Variants in UGGT1 observed in about 807,000 individuals in gnomAD.
UGGT1 encodes UDP-glucose:glycoprotein glucosyltransferase 1.
In UGGT1, 107 loss-of-function variants were observed where a neutral mutation model predicts 203.9. The observed-to-expected ratio is 0.52, with a 90% CI of 0.45 to 0.62. The LOEUF is 0.62. UGGT1 is among the 20% of genes least tolerant of loss of function. The pLI, the probability that UGGT1 is intolerant of heterozygous loss-of-function variation, is 0.00. For missense variants in UGGT1, 1,673 were observed against 1,867.2 expected, an observed-to-expected ratio of 0.90 and a Z score of 1.92; for synonymous variants, 628 against 653.5, an observed-to-expected ratio of 0.96 and a Z score of 0.59.
chr2:128,134,821 C>T, intron 14 of UGGT1, 55 bp from the exon 15 acceptor site: 2 of 1,523,442 alleles, frequency 1.3e-6, no homozygotes, highest in Admixed American at 1.7e-5. Context: ...TTTTCTCGGC[C>T]CACAGATACT....
intron 2 of UGGT1, among the ~76,000 whole-genome samples, chr2:128,100,033 C>CCCAA (rs1558748210): frequency 1.4e-5 from 1 of 71,788 alleles, no homozygotes; most frequent in Non-Finnish European, 2.8e-5. Flanking sequence ...CCCCCCCACC[C>CCCAA]TACTTATTTT....
At chr2:128,157,106 T>C in intron 21 of UGGT1, 146 bp from the exon 22 acceptor site, 1 of 644,206 alleles carries the variant, frequency 1.6e-6, no homozygotes, top group Non-Finnish European at 2.7e-6. Flanking sequence ...GGTTTACGAC[T>C]TTTTCTTCTA....
At chr2:128,113,772 AGATCGAGACCATCCTGG>A (rs1687976094) in intron 6 of UGGT1, among the ~76,000 whole-genome samples, 1 of 3,444 alleles carries the variant, frequency 2.9e-4, no homozygotes, top group African/African-American at 3.5e-4. Flanking sequence ...CGAGGTCAGG[AGATCGAGACCATCCTGG>A]CTAACACAGT....
chr2:128,099,653 C>T (rs1687275881), intron 2 of UGGT1, among the ~76,000 whole-genome samples: 1 of 152,196 alleles, frequency 6.6e-6, no homozygotes, highest in Admixed American at 6.5e-5. Flanking sequence ...AATAGACTTC[C>T]TTCCATCGCC....
intron 18 of UGGT1, among the ~76,000 whole-genome samples, chr2:128,150,995 C>T (rs923849363): frequency 2.0e-5 from 3 of 151,948 alleles, no homozygotes; most frequent in South Asian, 2.1e-4. Flanking sequence ...AGATTACAGG[C>T]GCCCGCCACC....
rs1295640961 is a variant in UGGT1, at chr2:128,194,007, C to G, written c.*4265C>G. 2.0e-5 allele frequency: 3 copies of G among 152,174 alleles called. No individual in the cohort carries two copies. The highest frequency in any genetic ancestry group is 6.5e-5 in the Admixed American group (1 of 15,272). The allele number at this position is 152,174 out of a possible 1,614,324, so 9.4% of individuals were successfully genotyped here. ...TGGGAATGGAAATGTATTGGTAAAG[C>G]TACCTGATGGAAGCTTTCTCTTGGT... On this transcript the variant is annotated 3_prime_UTR_variant, in exon 41 of 41. Coordinates refer to ENST00000259253, the MANE Select transcript of UGGT1 (RefSeq NM_020120.4).
chr2:128,097,692 A>G, intron 2 of UGGT1, 128 bp downstream of exon 2: 5 of 1,206,030 alleles, frequency 4.1e-6, no homozygotes, highest in Non-Finnish European at 5.7e-6. Context: ...CTTTCAGTGT[A>G]TACTGTAGGA....
chr2:128,175,666 C>T (rs971745329), intron 31 of UGGT1, among the ~76,000 whole-genome samples: 2 of 152,194 alleles, frequency 1.3e-5, no homozygotes, highest in African/African-American at 2.4e-5. Context: ...TCCCACATAA[C>T]ATTTTCCTCA....
At chr2:128,121,561 A>G (rs1172298128) in intron 10 of UGGT1, among the ~76,000 whole-genome samples, 1 of 152,090 alleles carries the variant, frequency 6.6e-6, no homozygotes, top group Non-Finnish European at 1.5e-5. Flanking sequence ...GTGCGTCACC[A>G]TGCCCAGCTA....
chr2:128,168,267 T>C (rs1460911387), intron 26 of UGGT1, among the ~76,000 whole-genome samples: 1 of 152,174 alleles, frequency 6.6e-6, no homozygotes, highest in Non-Finnish European at 1.5e-5. Flanking sequence ...AGAACAGTTG[T>C]ATTAGAGTAA....
At chr2:128,158,606 G>A (rs1296129827) in intron 22 of UGGT1, among the ~76,000 whole-genome samples, 1 of 152,150 alleles carries the variant, frequency 6.6e-6, no homozygotes, top group Non-Finnish European at 1.5e-5. Flanking sequence ...ATTTGTTTAA[G>A]CTATTTGAAG....
At chr2:128,162,749 C>T (rs556102051) in intron 25 of UGGT1, among the ~76,000 whole-genome samples, 1 of 152,248 alleles carries the variant, frequency 6.6e-6, no homozygotes, top group East Asian at 1.9e-4. Flanking sequence ...CTTGGTGTGG[C>T]ATGCTGTTGG....
At chr2:128,183,324 T>TC (rs57380100) in intron 37 of UGGT1, among the ~76,000 whole-genome samples, 243 of 151,542 alleles carry the variant, frequency 1.6e-3, no homozygotes, top group African/African-American at 5.0e-3. Flanking sequence ...TCTGGGGTTT[T>TC]CCCCCCCCTG....
At chr2:128,160,735 C>T in intron 24 of UGGT1, 144 bp downstream of exon 24, 1 of 1,219,202 alleles carries the variant, frequency 8.2e-7, no homozygotes. Flanking sequence ...GATGTTTCTG[C>T]CTCCTATTTC....
chr2:128,112,611 C>T (rs1452481372), intron 5 of UGGT1, among the ~76,000 whole-genome samples: 1 of 145,736 alleles, frequency 6.9e-6, no homozygotes, highest in Non-Finnish European at 1.5e-5. Flanking sequence ...GAGACAGGGT[C>T]CCGTTCTGTC....
chr2:128,182,788 C>G (rs1691767441), intron 37 of UGGT1, among the ~76,000 whole-genome samples: 1 of 151,706 alleles, frequency 6.6e-6, no homozygotes, highest in Non-Finnish European at 1.5e-5. Context: ...CAGATAACCT[C>G]CCAACTTATT....
rs529431944 is a variant in UGGT1 at position 128,173,675 on chromosome 2, T to C, written c.3295-106T>C. ...TTGAATTTCTTAAAATATGATCATATATTATGTAAGTCCTTTTTGTCTGCT... is the reference window on the plus strand; with the variant it reads ...TTGAATTTCTTAAAATATGATCATACATTATGTAAGTCCTTTTTGTCTGCT... On this transcript the variant is annotated intron_variant, in intron 29 of 40. Coordinates refer to ENST00000259253, the MANE Select transcript of UGGT1 (RefSeq NM_020120.4). 36 of 1,262,082 alleles carry C rather than the reference T, an allele frequency of 2.9e-5. No homozygotes were observed. The African/African-American group carries it at 5.0e-4, about 17-fold the overall frequency. 78.2% of individuals were successfully genotyped at this position (1,262,082 alleles called of 1,614,324 possible). A position where few individuals can be genotyped will look rare whatever the true frequency, so the allele number is the denominator to read the frequency against.
intron 14 of UGGT1, 69 bp downstream of exon 14, chr2:128,133,329 G>A: frequency 6.3e-7 from 1 of 1,580,166 alleles, no homozygotes; most frequent in Non-Finnish European, 8.6e-7. Context: ...TTTTTGTCAT[G>A]TAGAATGGTC....
Position 128,123,222 on chromosome 2 carries a change from A to T in UGGT1, c.1110A>T (p.Arg370Ser), listed in dbSNP as rs369942228. Residue 370 changes from arginine (R) to serine (S), a missense_variant, in exon 11 of 41, where the codon AGA becomes AGT. Transcript: ENST00000259253. ...ITKTAVSSEL[R>S]TEVEENQKYF... ...AAACAGCTGTGAGCTCAGAACTTAG[A>T]ACCGAAGTGGAAGAGAATCAGAAGG... 5.0e-6 allele frequency: 8 copies of T among 1,613,574 alleles called. No homozygotes were observed. The highest frequency in any genetic ancestry group is 6.8e-6 in the Non-Finnish European group (8 of 1,179,750).
Sources: allele counts gnomAD v4.1 joint callset (sites outside exome capture counted in the v4.1 genomes callset), GRCh38; gene constraint gnomAD v4.1.1; transcripts MANE v1.5; gene names NCBI Gene and HGNC (gene_info 2026-07-23, HGNC 2026-07-21).